ZNF148: variants seen among roughly 807,000 people sequenced by gnomAD.
The protein encoded by ZNF148 is zinc finger protein 148.
A neutral mutation model predicts 67.7 loss-of-function variants in ZNF148; 7 were observed. The observed-to-expected ratio is 0.10, with a 90% confidence interval of 0.06 to 0.19. The LOEUF (loss-of-function observed/expected upper bound fraction) is 0.19, where lower values mean the gene tolerates loss of function less well. ZNF148 is among the 10% of genes least tolerant of loss of function. The pLI is 1.00. For missense variants in ZNF148, 583 were observed against 947.1 expected, an observed-to-expected ratio of 0.62 and a Z score of 5.05; for synonymous variants, 333 against 330.7, an observed-to-expected ratio of 1.01 and a Z score of -0.08.
chr3:125,238,318 A>G (rs1248715532), intron 7 of ZNF148, among the ~76,000 whole-genome samples: 1 of 152,174 alleles, frequency 6.6e-6, no homozygotes, highest in East Asian at 1.9e-4. Flanking sequence ...CATGCTTCAA[A>G]GGACACTATC....
chr3:125,265,869 C>T (rs1488151914), intron 7 of ZNF148, among the ~76,000 whole-genome samples: 4 of 152,106 alleles, frequency 2.6e-5, no homozygotes, highest in African/African-American at 7.2e-5. Context: ...GCACTTGTCT[C>T]TTTAATTTTA....
chr3:125,249,912 A>G (rs1452569128), intron 7 of ZNF148, among the ~76,000 whole-genome samples: 1 of 152,152 alleles, frequency 6.6e-6, no homozygotes, highest in Non-Finnish European at 1.5e-5. Context: ...ATTAGTTGAA[A>G]TAAGCCAGAC....
chr3:125,341,328 A>G (rs1402678785), intron 1 of ZNF148, among the ~76,000 whole-genome samples: 1 of 151,848 alleles, frequency 6.6e-6, no homozygotes, highest in Non-Finnish European at 1.5e-5. Flanking sequence ...AAAAAAAAAA[A>G]AAAAGCAAAG....
chr3:125,263,705 A>T (rs1937445029), intron 7 of ZNF148, among the ~76,000 whole-genome samples: 1 of 152,122 alleles, frequency 6.6e-6, no homozygotes. Flanking sequence ...AGCTCCTAAA[A>T]TCCTTTCAAT....
intron 4 of ZNF148, among the ~76,000 whole-genome samples, chr3:125,299,614 G>C (rs1292290024): frequency 6.6e-6 from 1 of 152,194 alleles, no homozygotes; most frequent in Non-Finnish European, 1.5e-5. Flanking sequence ...ACAACCTTAA[G>C]AACAAGTGAG....
rs35950048 is a variant in ZNF148 at position 125,232,327 on chromosome 3, CTTTT to C, written c.*10_*13del. 300 of 1,468,180 alleles carry C rather than the reference CTTTT, an allele frequency of 2.0e-4. No homozygotes were observed. Among genetic ancestry groups the C allele is most frequent in the South Asian group, 5.0e-4 (39 of 78,026 alleles). The allele number at this position is 1,468,180 out of a possible 1,614,324, so 90.9% of individuals were successfully genotyped here. A position where few individuals can be genotyped will look rare whatever the true frequency, so the allele number is the denominator to read the frequency against. ...TTCTAAAGTGCCAGTATTATTTACA[CTTTT>C]TTTTTTTTTTTAGCCAAAAGTCTGG... On this transcript the variant is annotated 3_prime_UTR_variant, in exon 9 of 9. Coordinates refer to ENST00000360647, the MANE Select transcript of ZNF148 (RefSeq NM_021964.3). This position sits in a 1 kb window ranked among gnomAD's most constrained non-coding sequence, Gnocchi z 4.2.
In ZNF148 at chr3:125,232,239, C is replaced by CAAGTT; in HGVS notation, c.*101_*102insAACTT. On this transcript the variant is annotated 3_prime_UTR_variant, in exon 9 of 9. Coordinates refer to ENST00000360647, the MANE Select transcript of ZNF148 (RefSeq NM_021964.3). The surrounding 1 kb of genome is among the most constrained non-coding windows in gnomAD (Gnocchi z 4.2). ...CATATCAGCTTAACTTGTTATTACGCATTGCTCTTAAATCTGTACAGCACT... is the reference window on the plus strand; with the variant it reads ...CATATCAGCTTAACTTGTTATTACGCAAGTTATTGCTCTTAAATCTGTACAGCACT... The CAAGTT allele has an allele frequency of 7.6e-7, 1 of 1,312,102 alleles. No individual in the cohort carries two copies. The highest frequency in any genetic ancestry group is 1.6e-5 in the South Asian group (1 of 62,972). 81.3% of individuals were successfully genotyped at this position (1,312,102 alleles called of 1,614,324 possible).
chr3:125,338,394 AG>A (rs1941581543), intron 1 of ZNF148, among the ~76,000 whole-genome samples: 1 of 152,184 alleles, frequency 6.6e-6, no homozygotes, highest in African/African-American at 2.4e-5. Context: ...AGGGAACCCT[AG>A]AAAAGAATAT....
At chr3:125,269,165 TGAGACCAGCC>T (rs1937609646) in intron 7 of ZNF148, among the ~76,000 whole-genome samples, 2 of 135,292 alleles carry the variant, frequency 1.5e-5, no homozygotes, top group South Asian at 2.3e-4. Context: ...CCCAGCAATT[TGAGACCAGCC>T]TGGGCAACAT....
At chr3:125,350,097 C>G (rs1372787478) in intron 1 of ZNF148, among the ~76,000 whole-genome samples, 1 of 152,088 alleles carries the variant, frequency 6.6e-6, no homozygotes, top group Admixed American at 6.5e-5. Flanking sequence ...AAAAATAGAA[C>G]TACTGTATGT....
At chr3:125,341,314 T>C (rs1376223530) in intron 1 of ZNF148, among the ~76,000 whole-genome samples, 1 of 138,868 alleles carries the variant, frequency 7.2e-6, no homozygotes, top group Non-Finnish European at 1.5e-5. Context: ...TACAGAAAAA[T>C]TTAAAAAAAA....
intron 4 of ZNF148, among the ~76,000 whole-genome samples, chr3:125,311,817 C>T (rs1475465232): frequency 6.6e-6 from 1 of 152,158 alleles, no homozygotes; most frequent in Non-Finnish European, 1.5e-5. Context: ...ATACTATGAA[C>T]TTTGTTCCCA....
At chr3:125,249,680 T>C (rs1024170705) in intron 7 of ZNF148, among the ~76,000 whole-genome samples, 5 of 152,204 alleles carry the variant, frequency 3.3e-5, no homozygotes, top group Admixed American at 1.3e-4. Context: ...TTTCTGGCTA[T>C]ATATCCAAAG....
At chr3:125,238,197 A>G (rs924591232) in intron 7 of ZNF148, among the ~76,000 whole-genome samples, 3 of 152,356 alleles carry the variant, frequency 2.0e-5, no homozygotes, top group East Asian at 3.9e-4. Flanking sequence ...AATATAATAT[A>G]GGAATAAATC....
intron 2 of ZNF148, among the ~76,000 whole-genome samples, chr3:125,328,043 C>T (rs1337363165): frequency 2.0e-5 from 3 of 151,808 alleles, no homozygotes; most frequent in Non-Finnish European, 2.9e-5. Context: ...ATTCTTCCAT[C>T]ATGAGTCCCA....
chr3:125,314,067 A>G (rs1324423812), intron 3 of ZNF148, among the ~76,000 whole-genome samples: 3 of 152,096 alleles, frequency 2.0e-5, no homozygotes, highest in Admixed American at 6.5e-5. Flanking sequence ...AAATTTAGAA[A>G]TAGTCATTAA....
chr3:125,240,758 C>T (rs1282441601), intron 7 of ZNF148, among the ~76,000 whole-genome samples: 4 of 148,566 alleles, frequency 2.7e-5, no homozygotes, highest in Non-Finnish European at 4.5e-5. Context: ...GTGCAAGATC[C>T]TGTCTGCAAA....
At chr3:125,263,027 G>A (rs1259557089) in intron 7 of ZNF148, among the ~76,000 whole-genome samples, 1 of 152,026 alleles carries the variant, frequency 6.6e-6, no homozygotes, top group African/African-American at 2.4e-5. Context: ...ACACAACTTA[G>A]CAGATCCACT....
At position 125,234,000 on chromosome 3, in the gene ZNF148, A is replaced by T; in HGVS notation, c.787-61T>A. The T allele has an allele frequency of 6.6e-7, 1 of 1,513,688 alleles. No individual in the cohort carries two copies. Among genetic ancestry groups the T allele is most frequent in the Non-Finnish European group, 8.8e-7 (1 of 1,138,296 alleles). The allele number at this position is 1,513,688 out of a possible 1,614,324, so 93.8% of individuals were successfully genotyped here. A position where few individuals can be genotyped will look rare whatever the true frequency, so the allele number is the denominator to read the frequency against. ...GGTTTTGGTCAACCAAGAAAAGAAA[A>T]AGTGAAACAAAACAATTAATATAAA... On this transcript the variant is annotated intron_variant, in intron 8 of 8. Transcript: ENST00000360647. The surrounding 1 kb of genome is among the most constrained non-coding windows in gnomAD (Gnocchi z 5.1).
Sources: allele counts gnomAD v4.1 joint callset (sites outside exome capture counted in the v4.1 genomes callset), GRCh38; gene constraint gnomAD v4.1.1; non-coding constraint Gnocchi (gnomAD v3.1); transcripts MANE v1.5; gene names NCBI Gene and HGNC (gene_info 2026-07-23, HGNC 2026-07-21).